The following HNRNPUL2 variants were observed in gnomAD, a reference collection of about 807,000 sequenced individuals.
HNRNPUL2 encodes the protein heterogeneous nuclear ribonucleoprotein U-like protein 2.
HNRNPUL2 carries 27 observed loss-of-function variants against 102.2 expected under a neutral mutation model. That is an observed-to-expected ratio of 0.26 (90% CI 0.19 to 0.36). The LOEUF (loss-of-function observed/expected upper bound fraction) is 0.36, where lower values mean the gene tolerates loss of function less well. HNRNPUL2 is among the 10% of genes least tolerant of loss of function. HNRNPUL2 has a pLI of 1.00. For synonymous variants in HNRNPUL2, 458 were observed against 387.2 expected (o/e 1.18, Z -2.15); for missense variants, 936 against 981.1 (o/e 0.95, Z 0.61).
intron 4 of HNRNPUL2, among the ~76,000 whole-genome samples, chr11:62,723,115 C>T (rs1026605906): frequency 3.3e-5 from 5 of 152,194 alleles, no homozygotes; most frequent in Admixed American, 6.5e-5. Flanking sequence ...TACCTACCTG[C>T]ACTAATAAAA....
chr11:62,722,219 C>G lies in HNRNPUL2; in HGVS notation c.1257G>C (p.Glu419Asp), dbSNP rs1466346191. The G allele has an allele frequency of 3.1e-6, 5 of 1,614,122 alleles. No individual in the cohort carries two copies. The highest frequency in any genetic ancestry group is 4.2e-6 in the Non-Finnish European group (5 of 1,179,986). ...VVELNFGQKE[E>D]PFFPPPEEFV... ...ACTCTTCTGGTGGTGGGAAGAAGGG[C>G]TCCTCCTTCTGACCGAAGTTTAATT... Residue 419 changes from glutamate to aspartate, a missense_variant, in exon 7 of 14, where the codon GAG becomes GAC. Around this residue, in one of 2 missense-constraint regions of HNRNPUL2, gnomAD observed 609 missense variants for 713.0 expected, o/e 0.85. Coordinates refer to ENST00000301785, the MANE Select transcript of HNRNPUL2 (RefSeq NM_001079559.3).
At chr11:62,716,707 T>C (rs570282996) in intron 11 of HNRNPUL2, among the ~76,000 whole-genome samples, 34 of 152,186 alleles carry the variant, frequency 2.2e-4, no homozygotes, top group Non-Finnish European at 3.7e-4. Flanking sequence ...GAAAACTAGA[T>C]AGATGAGAAA....
intron 10 of HNRNPUL2, 142 bp downstream of exon 10, chr11:62,719,881 C>G: frequency 4.0e-6 from 3 of 745,796 alleles, no homozygotes; most frequent in South Asian, 3.7e-5. Flanking sequence ...AATGATGCAG[C>G]AAGAAGGACC....
rs960968824 is a variant in HNRNPUL2, at chr11:62,726,642, C to G, written c.515G>C (p.Gly172Ala). Reference protein sequence around the residue: ...GDETPGSEVPGDKAAEEQGDD... With the variant: ...GDETPGSEVPADKAAEEQGDD... Reference sequence around the variant, plus strand: ...ACCCTGTTCCTCGGCGGCCTTGTCACCCGGCACCTCGGATCCCGGCGTCTC... The same window carrying G: ...ACCCTGTTCCTCGGCGGCCTTGTCAGCCGGCACCTCGGATCCCGGCGTCTC... Residue 172 changes from glycine to alanine, a missense_variant, in exon 1 of 14, where the codon GGT (glycine) becomes GCT (alanine). Transcript: ENST00000301785. 1.3e-6 allele frequency: 2 copies of G among 1,594,882 alleles called. No individual in the cohort carries two copies.
In HNRNPUL2 at chr11:62,718,282, T is replaced by C. The variant is rs549754236; in HGVS notation, c.1781-1093A>G. ...TATGTAGACATTACTCTCTGTCTTA[T>C]GTATTGCATTACAGACTTCAGCCAA... On this transcript the variant is annotated intron_variant, in intron 10 of 13. Transcript: ENST00000301785. 3.3e-5 allele frequency among the ~76,000 whole-genome samples: 5 copies of C among 152,346 alleles called. No homozygotes were observed. The South Asian group carries it at 8.3e-4, about 25-fold the overall frequency.
At chr11:62,726,083 G>A (rs1051269789) in intron 1 of HNRNPUL2, among the ~76,000 whole-genome samples, 1 of 152,156 alleles carries the variant, frequency 6.6e-6, no homozygotes, top group Non-Finnish European at 1.5e-5. Flanking sequence ...TGTTACACTA[G>A]AGGCTCTCCC....
chr11:62,719,559 T>C (rs1307860151), intron 10 of HNRNPUL2, among the ~76,000 whole-genome samples: 1 of 152,248 alleles, frequency 6.6e-6, no homozygotes. Context: ...TCTTCAGATT[T>C]ACATTTTAGA....
In HNRNPUL2 at chr11:62,721,325, G is replaced by A. The variant is rs568907283; in HGVS notation, c.1581C>T (p.Ser527=). The change falls in exon 9 of 14, where the codon TCC becomes TCT. Residue 527 remains serine (S), a synonymous_variant. Coordinates refer to ENST00000301785, the MANE Select transcript of HNRNPUL2 (RefSeq NM_001079559.3). ...CAAGAATAAAGTTCCTCTTTGTCCGGGAAGCAATCTGGACCAGCTTACTAA... is the reference window on the plus strand; with the variant it reads ...CAAGAATAAAGTTCCTCTTTGTCCGAGAAGCAATCTGGACCAGCTTACTAA... ...QCLSKLVQIA[S]RTKRNFILDQ... 1.9e-6 allele frequency: 3 copies of A among 1,607,230 alleles called. No homozygotes were observed. The highest frequency in any genetic ancestry group is 2.2e-5 in the South Asian group (2 of 89,310).
Position 62,722,504 on chromosome 11 carries a change from C to T in HNRNPUL2, c.1095+97G>A, listed in dbSNP as rs2083711270. On this transcript the variant is annotated intron_variant, in intron 6 of 13. Transcript: ENST00000301785. ...GTAACTAAGCGAGCCACACACATCA[C>T]ATGCATAAAAGCCAGCAGTTGATGG... The T allele has an allele frequency of 2.8e-6, 4 of 1,417,280 alleles. No homozygotes were observed. In the Admixed American group the frequency reaches 6.8e-5, roughly 24 times the overall value. The allele number at this position is 1,417,280 out of a possible 1,614,324, so 87.8% of individuals were successfully genotyped here.
chr11:62,719,395 G>A (rs982600649), intron 10 of HNRNPUL2, among the ~76,000 whole-genome samples: 2 of 152,156 alleles, frequency 1.3e-5, no homozygotes, highest in African/African-American at 4.8e-5. Flanking sequence ...ACGTTGCAGT[G>A]AGCTGAGATC....
Position 62,724,423 on chromosome 11 carries a change from T to C in HNRNPUL2, c.542A>G (p.Asp181Gly). 4.3e-6 allele frequency: 7 copies of C among 1,614,136 alleles called. No homozygotes were observed. Among genetic ancestry groups the C allele is most frequent in the Non-Finnish European group, 5.9e-6 (7 of 1,180,028 alleles). The change falls in exon 2 of 14, where the codon GAT (aspartate) becomes GGT (glycine). Residue 181 changes from aspartate (D) to glycine (G), a missense_variant. Coordinates refer to ENST00000301785, the MANE Select transcript of HNRNPUL2 (RefSeq NM_001079559.3). ...PGDKAAEEQG[D>G]DQDSEKSKPA... ...TTTTGACTTTTCACTATCCTGGTCA[T>C]CTCCTACAAAAACGAGGGAAAGAAA...
chr11:62,724,370 C>G lies in HNRNPUL2; in HGVS notation c.595G>C (p.Gly199Arg). 2 of 1,614,182 alleles carry G rather than the reference C, an allele frequency of 1.2e-6. No homozygotes were observed. Among genetic ancestry groups the G allele is most frequent in the Admixed American group, 1.7e-5 (1 of 60,022 alleles). ...KPAGSDGERR[G>R]VKRQRDEKDE... The stretch of plus-strand genomic sequence containing the variant: ...TTCTCATCCCGCTGTCTCTTTACCC[C>G]CCGCCGCTCACCATCTGAGCCTGCT... The change falls in exon 2 of 14, where the codon GGG (glycine) becomes CGG (arginine). Residue 199 changes from glycine to arginine, a missense_variant. Physicochemically the swap from Gly to Arg is moderately radical, Grantham distance 125. Coordinates refer to ENST00000301785, the MANE Select transcript of HNRNPUL2 (RefSeq NM_001079559.3).
At chr11:62,719,866 C>A (rs1341567537) in intron 10 of HNRNPUL2, among the ~76,000 whole-genome samples, 157 bp downstream of exon 10, 1 of 152,186 alleles carries the variant, frequency 6.6e-6, no homozygotes, top group African/African-American at 2.4e-5. Flanking sequence ...GCCCTCCTGA[C>A]ATGGAATGAT....
At position 62,726,732 on chromosome 11, in the gene HNRNPUL2, T is replaced by C. The variant is rs1409606218; in HGVS notation, c.425A>G (p.Asn142Ser). ...GCCGAGGCCCTGCTCTTCGCCACCA[T>C]TTACCCCGCCTGACCCGGCCGTGGC... is the stretch of plus-strand genomic sequence containing the variant. The part of the protein sequence containing the change: ...AEATAGSGGV[N>S]GGEEQGLGKR... Residue 142 changes from asparagine (N) to serine (S), a missense_variant, in exon 1 of 14, where the codon AAT becomes AGT. Transcript: ENST00000301785. 2.5e-6 allele frequency: 4 copies of C among 1,601,128 alleles called. No individual in the cohort carries two copies. In the South Asian group the frequency reaches 3.3e-5, roughly 13 times the overall value.
At position 62,721,415 on chromosome 11, in the gene HNRNPUL2, A is replaced by G; in HGVS notation, c.1491T>C (p.Gly497=). The G allele has an allele frequency of 6.4e-7, 1 of 1,572,468 alleles. No homozygotes were observed. Among genetic ancestry groups the G allele is most frequent in the Non-Finnish European group, 8.6e-7 (1 of 1,166,914 alleles). Residue 497 remains glycine (G), a synonymous_variant, in exon 9 of 14, where the codon GGT becomes GGC. Transcript: ENST00000301785. ...ETVLNQMRMK[G]LEEPEMDPKS... is the part of the protein sequence containing the mutation. ...TGGGGTCCATCTCTGGCTCCTCGAG[A>G]CCCTTCATCTGATTAGTTTGAGAGG...
chr11:62,723,931 A>T lies in HNRNPUL2; in HGVS notation c.734T>A (p.Leu245His), dbSNP rs1225221890. The change falls in exon 3 of 14, where the codon CTT (leucine) becomes CAT (histidine). Residue 245 changes from leucine (L) to histidine (H), a missense_variant. Coordinates refer to ENST00000301785, the MANE Select transcript of HNRNPUL2 (RefSeq NM_001079559.3). The part of the protein sequence containing the change: ...EAKDEEEDQT[L>H]VNLDTYTSDL... The stretch of plus-strand genomic sequence containing the variant: ...ATACATACACGTGTCCAGGTTCACA[A>T]GAGTTTGATCCTCCTCCTCATCTTT... 1 of 1,614,140 alleles carries T rather than the reference A, an allele frequency of 6.2e-7. No individual in the cohort carries two copies. The highest frequency in any genetic ancestry group is 2.2e-5 in the East Asian group (1 of 44,884).
In HNRNPUL2 at chr11:62,722,267, G is replaced by A. The variant is rs369193662; in HGVS notation, c.1209C>T (p.Val403=). The A allele has an allele frequency of 9.4e-5, 152 of 1,614,026 alleles. No individual in the cohort carries two copies. Among genetic ancestry groups the A allele is most frequent in the Non-Finnish European group, 1.2e-4 (146 of 1,180,042 alleles). Residue 403 remains valine (V), a synonymous_variant, in exon 7 of 14, where the codon GTC becomes GTT. Coordinates refer to ENST00000301785, the MANE Select transcript of HNRNPUL2 (RefSeq NM_001079559.3). ...SLADRALLPH[V]LCKNCVVELN... ...ATTCTACAACACAATTTTTGCAGAG[G>A]ACATGGGGTAGAAGGGCCCGGTCTG... is the stretch of plus-strand genomic sequence containing the variant.
Position 62,723,739 on chromosome 11 carries a change from A to C in HNRNPUL2, c.752-13T>G, listed in dbSNP as rs2083722331. 1.9e-6 allele frequency: 3 copies of C among 1,614,066 alleles called. No homozygotes were observed. The highest frequency in any genetic ancestry group is 2.5e-6 in the Non-Finnish European group (3 of 1,179,972). On this transcript the variant is annotated splice_polypyrimidine_tract_variant and intron_variant, in intron 3 of 13. Coordinates refer to ENST00000301785, the MANE Select transcript of HNRNPUL2 (RefSeq NM_001079559.3). Reference sequence around the variant, plus strand: ...AGATCCGAGGTATCTGTAAAGAAAGAAGCAATCAGTTTACTCCAATGTCCA... The same window carrying C: ...AGATCCGAGGTATCTGTAAAGAAAGCAGCAATCAGTTTACTCCAATGTCCA...
In HNRNPUL2 at chr11:62,727,048, G is replaced by C; in HGVS notation, c.109C>G (p.Leu37Val). The C allele has an allele frequency of 7.1e-7, 1 of 1,414,452 alleles. No individual in the cohort carries two copies. Among genetic ancestry groups the C allele is most frequent in the South Asian group, 1.4e-5 (1 of 70,666 alleles). The allele number at this position is 1,414,452 out of a possible 1,614,324, so 87.6% of individuals were successfully genotyped here. The change falls in exon 1 of 14, where the codon CTG becomes GTG. Residue 37 changes from leucine to valine, a missense_variant. Physicochemically the swap from Leu to Val is conservative, Grantham distance 32. Coordinates refer to ENST00000301785, the MANE Select transcript of HNRNPUL2 (RefSeq NM_001079559.3). ...VDLAQRLQEALDAEMLEDEAG... is the reference protein window; with the variant it reads ...VDLAQRLQEAVDAEMLEDEAG... ...TCGTCCTCGAGCATCTCGGCGTCCA[G>C]CGCCTCCTGCAGCCGCTGCGCCAGA...
Sources: allele counts gnomAD v4.1 joint callset (sites outside exome capture counted in the v4.1 genomes callset), GRCh38; gene constraint gnomAD v4.1.1; regional missense constraint gnomAD v4.1.1; transcripts MANE v1.5; gene names NCBI Gene and HGNC (gene_info 2026-07-23, HGNC 2026-07-21).